Variants in CADM2 observed in about 807,000 individuals in gnomAD.
CADM2 encodes cell adhesion molecule 2.
A neutral mutation model predicts 49.8 loss-of-function variants in CADM2; 12 were observed. The observed-to-expected ratio is 0.24, with a 90% CI of 0.15 to 0.39. The LOEUF is 0.39. Among genes scored for constraint, CADM2 ranks in the 10% least tolerant of loss-of-function variants. The pLI is 1.00. For synonymous variants in CADM2, 214 were observed against 175.4 expected, an observed-to-expected ratio of 1.22 and a Z score of -1.74; for missense variants, 378 against 492.3, an observed-to-expected ratio of 0.77 and a Z score of 2.20.
chr3:85,322,721 A>C (rs2044646540), intron 1 of CADM2, among the ~76,000 whole-genome samples: 1 of 152,186 alleles, frequency 6.6e-6, no homozygotes, highest in Non-Finnish European at 1.5e-5. Flanking sequence ...CTCTGTCTTC[A>C]AATAGAGCTT....
At chr3:85,639,614 T>G (rs2107547211) in intron 1 of CADM2, among the ~76,000 whole-genome samples, 1 of 152,314 alleles carries the variant, frequency 6.6e-6, no homozygotes, top group East Asian at 1.9e-4. Context: ...ATAACTTGCC[T>G]TTTAATTTGA....
chr3:85,002,520 C>T (rs2033511670), intron 1 of CADM2, among the ~76,000 whole-genome samples: 1 of 152,136 alleles, frequency 6.6e-6, no homozygotes, highest in South Asian at 2.1e-4. Flanking sequence ...CATTGACTGA[C>T]AAATTCTCAG....
intron 1 of CADM2, among the ~76,000 whole-genome samples, chr3:85,480,415 A>G (rs1176028871): frequency 6.6e-6 from 1 of 151,890 alleles, no homozygotes; most frequent in East Asian, 1.9e-4. Context: ...CAAATTTGTG[A>G]CTGTGGGCAA....
intron 1 of CADM2, among the ~76,000 whole-genome samples, chr3:85,518,822 C>T (rs1321210559): frequency 6.6e-6 from 1 of 152,118 alleles, no homozygotes; most frequent in Non-Finnish European, 1.5e-5. Context: ...ATAATCTCTT[C>T]ATCTCAAGAT....
chr3:85,090,604 A>G (rs2037558835), intron 1 of CADM2, among the ~76,000 whole-genome samples: 1 of 152,162 alleles, frequency 6.6e-6, no homozygotes, highest in Non-Finnish European at 1.5e-5. Context: ...AACCGTTAAC[A>G]TTTGATCTGA....
At chr3:85,487,493 G>C (rs2039467460) in intron 1 of CADM2, among the ~76,000 whole-genome samples, 1 of 151,940 alleles carries the variant, frequency 6.6e-6, no homozygotes, top group Non-Finnish European at 1.5e-5. Context: ...AAAGGAGGAG[G>C]AAGAGGAGTA....
At chr3:85,682,422 A>G (rs1231742318) in intron 1 of CADM2, among the ~76,000 whole-genome samples, 1 of 152,048 alleles carries the variant, frequency 6.6e-6, no homozygotes, top group East Asian at 1.9e-4. Flanking sequence ...TATTTACTGT[A>G]ACTTTTCCAT....
At chr3:85,987,038 G>A (rs2108686429) in intron 8 of CADM2, among the ~76,000 whole-genome samples, 1 of 151,854 alleles carries the variant, frequency 6.6e-6, no homozygotes, top group South Asian at 2.1e-4. Flanking sequence ...ACATATCATT[G>A]GTTATATATA....
intron 1 of CADM2, among the ~76,000 whole-genome samples, chr3:85,434,568 A>G (rs1385532527): frequency 6.6e-6 from 1 of 152,090 alleles, no homozygotes; most frequent in African/African-American, 2.4e-5. Context: ...CTACATTCCT[A>G]TGACGATTAT....
intron 2 of CADM2, among the ~76,000 whole-genome samples, chr3:85,790,129 A>T (rs974480679): frequency 6.6e-4 from 101 of 152,350 alleles, no homozygotes; most frequent in African/African-American, 2.3e-3. Context: ...AATGTATTTT[A>T]TATAGAAATA....
At chr3:85,658,334 G>T (rs13101056) in intron 1 of CADM2, among the ~76,000 whole-genome samples, 26,644 of 151,092 alleles carry the variant, frequency 0.18, 2,942 homozygotes, top group Non-Finnish European at 0.24. Flanking sequence ...CATGAAACAG[G>T]TTTTTCTTCA....
rs201849897 is a variant in CADM2 at position 85,155,967 on chromosome 3, A to G, written c.61+196299A>G. Among the ~76,000 whole-genome samples the G allele has an allele frequency of 3.0e-4, 46 of 152,312 alleles. No individual in the cohort carries two copies. In the East Asian group the frequency reaches 8.5e-3, roughly 28 times the overall value. Reference sequence around the variant, plus strand: ...TGTGTAGAGGGAAATTTATAGCACTAAATGCCCACAAGAGAAAGCAGGAAA... The same window carrying G: ...TGTGTAGAGGGAAATTTATAGCACTGAATGCCCACAAGAGAAAGCAGGAAA... On this transcript the variant is annotated intron_variant, in intron 1 of 9. Coordinates refer to ENST00000383699, the MANE Select transcript of CADM2 (RefSeq NM_001167675.2).
At chr3:85,396,160 A>C (rs1278489085) in intron 1 of CADM2, among the ~76,000 whole-genome samples, 2 of 151,662 alleles carry the variant, frequency 1.3e-5, no homozygotes, top group Non-Finnish European at 2.9e-5. Context: ...TTTGTGTGTA[A>C]TTGGAGATTT....
intron 3 of CADM2, among the ~76,000 whole-genome samples, chr3:85,861,500 C>G (rs1166361075): frequency 6.6e-6 from 1 of 152,064 alleles, no homozygotes; most frequent in Non-Finnish European, 1.5e-5. Context: ...CTGTTTTAAA[C>G]ATGTTAAATT....
intron 8 of CADM2, among the ~76,000 whole-genome samples, chr3:85,985,473 G>A (rs959121917): frequency 6.6e-6 from 1 of 151,838 alleles, no homozygotes; most frequent in African/African-American, 2.4e-5. Flanking sequence ...CACTACTGTT[G>A]TGACATATGT....
chr3:86,026,132 T>C (rs1416775633), intron 8 of CADM2, among the ~76,000 whole-genome samples: 1 of 152,198 alleles, frequency 6.6e-6, no homozygotes, highest in Non-Finnish European at 1.5e-5. Context: ...CTCTTCATTG[T>C]GTGGAATTAG....
At chr3:84,966,066 T>C (rs2030960754) in intron 1 of CADM2, among the ~76,000 whole-genome samples, 1 of 152,342 alleles carries the variant, frequency 6.6e-6, no homozygotes. Flanking sequence ...GAACATGTTA[T>C]ACATACTGAT....
Position 85,802,097 on chromosome 3 carries a change from G to A in CADM2, c.139G>A (p.Gly47Arg), listed in dbSNP as rs2072083934. The A allele has an allele frequency of 1.9e-6, 3 of 1,612,940 alleles. No homozygotes were observed. The highest frequency in any genetic ancestry group is 3.3e-5 in the Admixed American group (2 of 59,904). ...ACAGAATGTAACCGTTGTTGAAGGT[G>A]GAACTGCAATTTTGACCTGCAGGGT... is the stretch of plus-strand genomic sequence containing the variant. ...LTQNVTVVEG[G>R]TAILTCRVDQ... is the part of the protein sequence containing the mutation. The change falls in exon 3 of 10, where the codon GGA becomes AGA. Residue 47 changes from glycine to arginine, a missense_variant. Gly to Arg is a moderately radical substitution (Grantham distance 125). Transcript: ENST00000383699.
intron 1 of CADM2, among the ~76,000 whole-genome samples, chr3:85,333,536 T>A (rs973616540): frequency 6.6e-6 from 1 of 151,820 alleles, no homozygotes; most frequent in Admixed American, 6.6e-5. Flanking sequence ...ATTATTGTCA[T>A]CAACTGCCTG....
Sources: gnomAD v4.1 joint callset for allele counts (sites outside exome capture counted in the v4.1 genomes callset) on GRCh38, gnomAD v4.1.1 for gene constraint, MANE v1.5 for transcripts, NCBI Gene and HGNC (gene_info 2026-07-23, HGNC 2026-07-21) for gene names.